The following GPD1L variants were observed in gnomAD, a reference collection of about 807,000 sequenced individuals.
GPD1L encodes the protein glycerol-3-phosphate dehydrogenase 1-like protein.
In GPD1L, 17 loss-of-function variants were observed where a neutral mutation model predicts 32.9. The ratio of observed to expected loss-of-function variants is 0.52; its 90% confidence interval spans 0.35 to 0.78. The LOEUF is 0.78. Among genes scored for constraint, GPD1L ranks in the 30% least tolerant of loss-of-function variants. GPD1L has a pLI of 0.01. For synonymous variants in GPD1L, 187 were observed against 165.9 expected (o/e 1.13, Z -0.98); for missense variants, 361 against 447.8 (o/e 0.81, Z 1.75).
intron 1 of GPD1L, among the ~76,000 whole-genome samples, chr3:32,126,564 T>C (rs1362646183): frequency 6.6e-6 from 1 of 152,120 alleles, no homozygotes; most frequent in African/African-American, 2.4e-5. Flanking sequence ...AGAATAAAGG[T>C]GGTAGTGATG....
In GPD1L at chr3:32,159,035, G is replaced by T. The variant is rs1255027038; in HGVS notation, c.778G>T (p.Val260Leu). Residue 260 changes from valine (V) to leucine (L), a missense_variant, in exon 6 of 8, where the codon GTG becomes TTG. Coordinates refer to ENST00000282541, the MANE Select transcript of GPD1L (RefSeq NM_015141.4). ...STATFLESCGVADLITTCYGG... is the reference protein window; with the variant it reads ...STATFLESCGLADLITTCYGG... ...AGCCACCTTCCTAGAGAGCTGCGGGGTGGCCGACCTGATCACCACCTGTTA... is the reference window on the plus strand; with the variant it reads ...AGCCACCTTCCTAGAGAGCTGCGGGTTGGCCGACCTGATCACCACCTGTTA... 9 of 1,613,844 alleles carry T rather than the reference G, an allele frequency of 5.6e-6. No individual in the cohort carries two copies. The African/African-American group carries it at 1.1e-4, about 19-fold the overall frequency.
chr3:32,128,384 T>C, intron 2 of GPD1L, 131 bp downstream of exon 2: 1 of 789,128 alleles, frequency 1.3e-6, no homozygotes, highest in Non-Finnish European at 2.2e-6. Context: ...ATTGGTTGGT[T>C]GGTTTTGGTC....
chr3:32,114,294 T>C (rs1575106568), intron 1 of GPD1L, among the ~76,000 whole-genome samples: 1 of 152,218 alleles, frequency 6.6e-6, no homozygotes, highest in Non-Finnish European at 1.5e-5. Context: ...GGTGGTTGGG[T>C]TCTAACAAGA....
intron 1 of GPD1L, among the ~76,000 whole-genome samples, chr3:32,113,236 T>C (rs1269951846): frequency 1.4e-5 from 2 of 144,828 alleles, no homozygotes; most frequent in African/African-American, 5.4e-5. Context: ...AGAGGATTAA[T>C]TGTTGAAAAA....
In GPD1L at chr3:32,166,200, T is replaced by C. The variant is rs184318829; in HGVS notation, c.*290T>C. 3.8e-4 allele frequency: 172 copies of C among 446,974 alleles called. 3 individuals carry two copies. Among genetic ancestry groups the C allele is most frequent in the African/African-American group, 2.7e-3 (136 of 50,468 alleles). The allele number at this position is 446,974 out of a possible 1,614,324, so 27.7% of individuals were successfully genotyped here. ...TTTTTTCAAAATTGCTTATGAAATT[T>C]CCACACAATCGTAGCTTATAAGATT... On this transcript the variant is annotated 3_prime_UTR_variant, in exon 8 of 8. Transcript: ENST00000282541.
intron 2 of GPD1L, among the ~76,000 whole-genome samples, chr3:32,136,128 C>T (rs72850653): frequency 0.024 from 3,663 of 152,258 alleles, 145 homozygotes; most frequent in African/African-American, 0.084. Flanking sequence ...ATGATATTAA[C>T]AGGGCCCTGT....
chr3:32,123,826 A>ATAGATAGATAGATAGG (rs1390090253), intron 1 of GPD1L, among the ~76,000 whole-genome samples: 2 of 148,266 alleles, frequency 1.3e-5, no homozygotes, highest in East Asian at 3.9e-4. Context: ...AGATAGATAG[A>ATAGATAGATAGATAGG]TAGATAGATA....
At chr3:32,165,683 T>G in intron 7 of GPD1L, 131 bp from the exon 8 acceptor site, 1 of 708,486 alleles carries the variant, frequency 1.4e-6, no homozygotes. Context: ...AATAAAGGAA[T>G]GTAGAAAGTG....
At chr3:32,107,836 A>C (rs1298445074) in intron 1 of GPD1L, among the ~76,000 whole-genome samples, 2 of 152,146 alleles carry the variant, frequency 1.3e-5, no homozygotes, top group African/African-American at 4.8e-5. Flanking sequence ...GGCCTGCATC[A>C]CTGCATTATA....
chr3:32,166,043 T>C lies in GPD1L; in HGVS notation c.*133T>C, dbSNP rs1387572934. ...CGGATATGTATGAATTTTTACAGGT[T>C]CGTTTTTGAATTGTGAGAGGCAGTT... On this transcript the variant is annotated 3_prime_UTR_variant, in exon 8 of 8. Coordinates refer to ENST00000282541, the MANE Select transcript of GPD1L (RefSeq NM_015141.4). 5.7e-6 allele frequency: 4 copies of C among 707,612 alleles called. No individual in the cohort carries two copies. The highest frequency in any genetic ancestry group is 1.0e-5 in the Non-Finnish European group (4 of 383,290). 43.8% of individuals were successfully genotyped at this position (707,612 alleles called of 1,614,324 possible).
chr3:32,119,454 T>A (rs891609641), intron 1 of GPD1L, among the ~76,000 whole-genome samples: 1 of 152,232 alleles, frequency 6.6e-6, no homozygotes, highest in Non-Finnish European at 1.5e-5. Context: ...GCCTTTTCAG[T>A]CTCCTTCCTC....
At position 32,165,953 on chromosome 3, in the gene GPD1L, T is replaced by A; in HGVS notation, c.*43T>A. The A allele has an allele frequency of 1.8e-6, 2 of 1,118,472 alleles. No individual in the cohort carries two copies. The highest frequency in any genetic ancestry group is 2.7e-6 in the Non-Finnish European group (2 of 727,562). The allele number at this position is 1,118,472 out of a possible 1,614,324, so 69.3% of individuals were successfully genotyped here. ...GTTGGGGGAAGTTCTGCCTTTCTGATCAATCTTTTGGGTTCACGTGGAAAC... is the reference window on the plus strand; with the variant it reads ...GTTGGGGGAAGTTCTGCCTTTCTGAACAATCTTTTGGGTTCACGTGGAAAC... On this transcript the variant is annotated 3_prime_UTR_variant, in exon 8 of 8. Transcript: ENST00000282541.
intron 1 of GPD1L, among the ~76,000 whole-genome samples, chr3:32,114,055 A>C (rs998342327): frequency 5.9e-5 from 9 of 152,138 alleles, no homozygotes; most frequent in Admixed American, 4.6e-4. Flanking sequence ...GGGTCTCACT[A>C]TGTTGCCCAA....
chr3:32,122,505 C>A (rs7611385), intron 1 of GPD1L, among the ~76,000 whole-genome samples: 2 of 152,070 alleles, frequency 1.3e-5, no homozygotes, highest in Non-Finnish European at 2.9e-5. Context: ...CATTACAGGA[C>A]TTGTGAAATA....
intron 5 of GPD1L, among the ~76,000 whole-genome samples, chr3:32,149,412 A>G (rs149307082): frequency 0.013 from 1,939 of 152,272 alleles, 60 homozygotes; most frequent in African/African-American, 0.043. Flanking sequence ...TATTCTCCAT[A>G]CTAGCCAATT....
chr3:32,137,624 G>A (rs2125484560), intron 2 of GPD1L, among the ~76,000 whole-genome samples: 1 of 152,284 alleles, frequency 6.6e-6, no homozygotes, highest in Non-Finnish European at 1.5e-5. Context: ...TGAAACTAGG[G>A]GTTCTAATGC....
At position 32,106,825 on chromosome 3, in the gene GPD1L, C is replaced by T; in HGVS notation, c.47+67C>T. ...AAGCGCCTCTCCCGGGCGGTGAGGG[C>T]TGCGCGCCCCATGCTGCGGCGTGGG... On this transcript the variant is annotated intron_variant, in intron 1 of 7. Coordinates refer to ENST00000282541, the MANE Select transcript of GPD1L (RefSeq NM_015141.4). This position sits in a 1 kb window ranked among gnomAD's most constrained non-coding sequence, Gnocchi z 4.0. 1 of 1,423,482 alleles carries T rather than the reference C, an allele frequency of 7.0e-7. No individual in the cohort carries two copies. The highest frequency in any genetic ancestry group is 1.4e-5 in the South Asian group (1 of 72,246). The allele number at this position is 1,423,482 out of a possible 1,614,324, so 88.2% of individuals were successfully genotyped here. A position where few individuals can be genotyped will look rare whatever the true frequency, so the allele number is the denominator to read the frequency against.
intron 1 of GPD1L, among the ~76,000 whole-genome samples, chr3:32,124,855 C>A (rs976517609): frequency 2.6e-5 from 4 of 151,928 alleles, no homozygotes; most frequent in Non-Finnish European, 4.4e-5. Context: ...CCTGGGAGGT[C>A]AAGGCTGCAG....
Position 32,121,517 on chromosome 3 carries a change from CTCTCTAT to C in GPD1L, c.48-6558_48-6552del, listed in dbSNP as rs1700412987. Among the ~76,000 whole-genome samples the C allele has an allele frequency of 2.8e-5, 2 of 71,510 alleles. 1 individual carries two copies. 46.9% of individuals were successfully genotyped at this position (71,510 alleles called of 152,430 possible). A position where few individuals can be genotyped will look rare whatever the true frequency, so the allele number is the denominator to read the frequency against. ...TATATATTTCTCTCTATATATATTT[CTCTCTAT>C]ATATATTTCTATGTATATATTTCTA... On this transcript the variant is annotated intron_variant, in intron 1 of 7. Coordinates refer to ENST00000282541, the MANE Select transcript of GPD1L (RefSeq NM_015141.4).
Sources: gnomAD v4.1 joint callset for allele counts (sites outside exome capture counted in the v4.1 genomes callset) on GRCh38, gnomAD v4.1.1 for gene constraint, Gnocchi (gnomAD v3.1) non-coding constraint, MANE v1.5 for transcripts, NCBI Gene and HGNC (gene_info 2026-07-23, HGNC 2026-07-21) for gene names.